The following CAPN13 variants were observed in gnomAD, a reference collection of about 807,000 sequenced individuals.
CAPN13 encodes the protein calpain-13.
Under a neutral mutation model 98.4 loss-of-function variants are expected in CAPN13, and 90 were observed. That is an observed-to-expected ratio of 0.92 (90% CI 0.77 to 1.09). The LOEUF (loss-of-function observed/expected upper bound fraction) is 1.09, where lower values mean the gene tolerates loss of function less well. CAPN13 is among the 50% of genes least tolerant of loss of function. The pLI, the probability that CAPN13 is intolerant of heterozygous loss-of-function variation, is 0.00. For synonymous variants in CAPN13, 330 were observed against 305.5 expected (o/e 1.08, Z -0.84); for missense variants, 887 against 841.3 (o/e 1.05, Z -0.67).
At position 30,760,724 on chromosome 2, in the gene CAPN13, T is replaced by C. The variant is rs151208465; in HGVS notation, c.774+2358A>G. The stretch of plus-strand genomic sequence containing the variant: ...GGAATCTTTAACCAAGTCAAGTTCG[T>C]GAGCCCTTGTGTCCCTCCTTTATGA... On this transcript the variant is annotated intron_variant, in intron 7 of 22. Transcript: ENST00000295055. Among the ~76,000 whole-genome samples, 854 of 152,350 alleles carry C rather than the reference T, an allele frequency of 5.6e-3. 10 individuals are homozygous for C. The highest frequency in any genetic ancestry group is 0.019 in the African/African-American group (800 of 41,568).
rs760853884 is a variant in CAPN13, at chr2:30,776,057, G to A, written c.272-12C>T. 6 of 1,585,356 alleles carry A rather than the reference G, an allele frequency of 3.8e-6. No homozygotes were observed. The East Asian group carries it at 9.1e-5, about 24-fold the overall frequency. On this transcript the variant is annotated splice_polypyrimidine_tract_variant and intron_variant, in intron 3 of 22. Transcript: ENST00000295055. ...GAACCAGCAGTCAGCTGTGAGGGGA[G>A]ATAAGCCAGGAAAGGCTGATTGGAC...
intron 22 of CAPN13, among the ~76,000 whole-genome samples, chr2:30,727,232 A>G (rs536418367): frequency 1.3e-5 from 2 of 152,304 alleles, no homozygotes; most frequent in Non-Finnish European, 2.9e-5. Flanking sequence ...ATAAAACAGA[A>G]TAAATAGTTT....
intron 1 of CAPN13, among the ~76,000 whole-genome samples, chr2:30,801,877 A>T (rs1675302405): frequency 6.6e-6 from 1 of 152,144 alleles, no homozygotes; most frequent in Non-Finnish European, 1.5e-5. Flanking sequence ...TTGTGTCCAA[A>T]TATTACCCTG....
intron 15 of CAPN13, among the ~76,000 whole-genome samples, chr2:30,740,101 T>TG (rs1558615143): frequency 1.3e-5 from 2 of 148,876 alleles, no homozygotes; most frequent in African/African-American, 5.0e-5. Flanking sequence ...TTTTTTTTTT[T>TG]TTTTTTTTTT....
chr2:30,803,290 G>A (rs1372405954), intron 1 of CAPN13, among the ~76,000 whole-genome samples: 2 of 152,204 alleles, frequency 1.3e-5, no homozygotes, highest in Non-Finnish European at 2.9e-5. Context: ...GTGGGCCACT[G>A]GGTGCATCTC....
Position 30,758,128 on chromosome 2 carries a change from G to T in CAPN13, c.784C>A (p.Arg262=), listed in dbSNP as rs774943394. Residue 262 remains arginine (R), a synonymous_variant, in exon 8 of 23, where the codon CGA becomes AGA. Coordinates refer to ENST00000295055, the MANE Select transcript of CAPN13 (RefSeq NM_144575.3). ...TVTGAEQIQY[R]RGWEEIISLW... Reference sequence around the variant, plus strand: ...GAGATAATTTCTTCCCAGCCCCTTCGGTATTGAATCTGTAAAGAAAACAGA... The same window carrying T: ...GAGATAATTTCTTCCCAGCCCCTTCTGTATTGAATCTGTAAAGAAAACAGA... 1.9e-6 allele frequency: 3 copies of T among 1,601,092 alleles called. No homozygotes were observed. Among genetic ancestry groups the T allele is most frequent in the African/African-American group, 2.7e-5 (2 of 74,490 alleles).
At chr2:30,757,181 C>G (rs1304427494) in intron 8 of CAPN13, among the ~76,000 whole-genome samples, 1 of 152,244 alleles carries the variant, frequency 6.6e-6, no homozygotes, top group Admixed American at 6.5e-5. Context: ...CGACATTTTT[C>G]ACGGATGGAC....
At chr2:30,747,276 C>T (rs1671960783) in intron 11 of CAPN13, among the ~76,000 whole-genome samples, 1 of 152,050 alleles carries the variant, frequency 6.6e-6, no homozygotes. Flanking sequence ...GGTGTAGAAA[C>T]TGAGGCTCAG....
chr2:30,767,887 A>G (rs1310041687), intron 5 of CAPN13, among the ~76,000 whole-genome samples: 1 of 152,278 alleles, frequency 6.6e-6, no homozygotes, highest in Non-Finnish European at 1.5e-5. Flanking sequence ...CGGGAAAGAT[A>G]AAGATGTCCC....
chr2:30,755,504 T>G (rs17010176), intron 8 of CAPN13, among the ~76,000 whole-genome samples: 11,650 of 152,126 alleles, frequency 0.077, 1,483 homozygotes, highest in African/African-American at 0.26. Flanking sequence ...GCTGCCCACT[T>G]CGTTGGAACG....
intron 1 of CAPN13, among the ~76,000 whole-genome samples, chr2:30,795,380 CA>C: frequency 6.6e-6 from 1 of 152,182 alleles, no homozygotes; most frequent in South Asian, 2.1e-4. Context: ...ATTTCACCAA[CA>C]GTGTAAAAGA....
chr2:30,764,134 C>A lies in CAPN13; in HGVS notation c.697G>T (p.Gly233Trp). Residue 233 changes from glycine (G) to tryptophan (W), a missense_variant and splice_region_variant, in exon 6 of 23, where the codon GGG (glycine) becomes TGG (tryptophan). Physicochemically the swap from Gly to Trp is radical, Grantham distance 184. Coordinates refer to ENST00000295055, the MANE Select transcript of CAPN13 (RefSeq NM_144575.3). The stretch of plus-strand genomic sequence containing the variant: ...AAAAGGGCTCCCCAGTGACTTACCC[C>A]ACTTGGAGTGGCACAGGTTATCAGG... The part of the protein sequence containing the change: ...GSLITCATPS[G>W]PTDTAQAMEN... The A allele has an allele frequency of 6.4e-7, 1 of 1,565,002 alleles. No individual in the cohort carries two copies. Among genetic ancestry groups the A allele is most frequent in the East Asian group, 2.4e-5 (1 of 41,908 alleles).
intron 11 of CAPN13, chr2:30,746,831 A>C (rs2147979472): frequency 6.5e-6 from 1 of 153,002 alleles, no homozygotes; most frequent in South Asian, 2.1e-4. Flanking sequence ...AGAGGAAGGA[A>C]ACTGAGGCAG....
At chr2:30,785,853 T>C (rs1446275233) in intron 2 of CAPN13, among the ~76,000 whole-genome samples, 1 of 152,118 alleles carries the variant, frequency 6.6e-6, no homozygotes, top group African/African-American at 2.4e-5. Context: ...GCTTCAGCTC[T>C]CCTTAGGAGG....
At position 30,738,008 on chromosome 2, in the gene CAPN13, C is replaced by G. The variant is rs920830820; in HGVS notation, c.1653+227G>C. 14 of 574,532 alleles carry G rather than the reference C, an allele frequency of 2.4e-5. No individual in the cohort carries two copies. The African/African-American group carries it at 2.4e-4, about 10-fold the overall frequency. 35.6% of individuals were successfully genotyped at this position (574,532 alleles called of 1,614,324 possible). A position where few individuals can be genotyped will look rare whatever the true frequency, so the allele number is the denominator to read the frequency against. ...ACACACACACACACACACACACACC[C>G]CAGTACACTGATCAGCACATAGTAG... is the stretch of plus-strand genomic sequence containing the variant. On this transcript the variant is annotated intron_variant, in intron 17 of 22. Coordinates refer to ENST00000295055, the MANE Select transcript of CAPN13 (RefSeq NM_144575.3).
At chr2:30,785,471 C>T (rs898592603) in intron 2 of CAPN13, among the ~76,000 whole-genome samples, 2 of 152,140 alleles carry the variant, frequency 1.3e-5, no homozygotes, top group African/African-American at 4.8e-5. Flanking sequence ...CCCAGTCCCC[C>T]CAGTAGAGCT....
At chr2:30,797,864 G>T (rs187021268) in intron 1 of CAPN13, among the ~76,000 whole-genome samples, 13 of 152,358 alleles carry the variant, frequency 8.5e-5, no homozygotes, top group East Asian at 3.9e-4. Flanking sequence ...AGCATCTCCA[G>T]CTGGGCCAGT....
At chr2:30,778,248 C>A (rs1428261465) in intron 2 of CAPN13, among the ~76,000 whole-genome samples, 2 of 152,200 alleles carry the variant, frequency 1.3e-5, no homozygotes, top group African/African-American at 4.8e-5. Context: ...CCTTCCTTAA[C>A]TTCTAACACA....
chr2:30,758,399 G>C (rs577308258), intron 7 of CAPN13, among the ~76,000 whole-genome samples: 54 of 152,250 alleles, frequency 3.5e-4, no homozygotes, highest in Non-Finnish European at 6.8e-4. Context: ...CATTCCCTAA[G>C]ACTGAATCCC....
Sources: gnomAD v4.1 joint callset for allele counts (sites outside exome capture counted in the v4.1 genomes callset) on GRCh38, gnomAD v4.1.1 for gene constraint, MANE v1.5 for transcripts, NCBI Gene and HGNC (gene_info 2026-07-23, HGNC 2026-07-21) for gene names.